USP43: variants seen among roughly 807,000 people sequenced by gnomAD.
The protein encoded by USP43 is ubiquitin specific peptidase 43, also known as ubiquitin carboxyl-terminal hydrolase 43.
In USP43, 33 loss-of-function variants were observed where a neutral mutation model predicts 90.7. The ratio of observed to expected loss-of-function variants is 0.36; its 90% CI spans 0.28 to 0.49. The LOEUF (loss-of-function observed/expected upper bound fraction) is 0.49, where lower values mean the gene tolerates loss of function less well. USP43 is among the 20% of genes least tolerant of loss of function. The pLI is 0.98. For missense variants in USP43, 1,274 were observed against 1,476.4 expected (o/e 0.86, Z 2.25); for synonymous variants, 598 against 615.8 (o/e 0.97, Z 0.43).
intron 5 of USP43, among the ~76,000 whole-genome samples, chr17:9,677,857 A>G (rs562234152): frequency 3.3e-5 from 5 of 152,294 alleles, no homozygotes; most frequent in African/African-American, 1.2e-4. Flanking sequence ...GTTCATAGCT[A>G]CATTCCTATA....
intron 1 of USP43, among the ~76,000 whole-genome samples, chr17:9,655,642 G>C (rs1212624870): frequency 6.6e-6 from 1 of 152,198 alleles, no homozygotes; most frequent in Non-Finnish European, 1.5e-5. Flanking sequence ...AGAACCTGTT[G>C]AAGAAACAGA....
rs781524316 is a variant in USP43, at chr17:9,674,929, A to G, written c.779A>G (p.Asn260Ser). 1.9e-6 allele frequency: 3 copies of G among 1,614,028 alleles called. No homozygotes were observed. Among genetic ancestry groups the G allele is most frequent in the Non-Finnish European group, 2.5e-6 (3 of 1,179,896 alleles). Residue 260 changes from asparagine (N) to serine (S), a missense_variant, in exon 4 of 15, where the codon AAC (asparagine) becomes AGC (serine). This residue lies in a region of USP43 where 259 missense variants were observed against 373.7 expected (regional missense o/e 0.69). Transcript: ENST00000285199. This position sits in a 1 kb window ranked among gnomAD's most constrained non-coding sequence, Gnocchi z 4.4. ...LTCPHCLKQS[N>S]TFDPFLCVSL... ...TGTCCCCACTGCCTGAAACAGAGCA[A>G]CACCTTTGATCCTTTCCTGTGTGTG...
At chr17:9,693,257 A>G in intron 9 of USP43, 27 bp downstream of exon 9, 1 of 1,558,800 alleles carries the variant, frequency 6.4e-7, no homozygotes, top group Non-Finnish European at 8.8e-7. Context: ...AGGTTCAGTC[A>G]GCTAATGAAC....
chr17:9,699,460 C>G (rs1448360292), intron 9 of USP43, among the ~76,000 whole-genome samples: 1 of 152,226 alleles, frequency 6.6e-6, no homozygotes, highest in Non-Finnish European at 1.5e-5. Flanking sequence ...ATCAGATCAT[C>G]TTAGTGGTAG....
At chr17:9,681,199 C>CTATATAATATACTATATAATATATAT (rs1914191826) in intron 6 of USP43, among the ~76,000 whole-genome samples, 2 of 53,318 alleles carry the variant, frequency 3.8e-5, no homozygotes, top group Non-Finnish European at 5.9e-5. Context: ...ATAATATATA[C>CTATATAATATACTATATAATATATAT]TATATAATAT....
intron 3 of USP43, 77 bp downstream of exon 3, chr17:9,666,828 A>G: frequency 8.6e-7 from 1 of 1,163,270 alleles, no homozygotes; most frequent in Non-Finnish European, 1.3e-6. Flanking sequence ...TCTCCCATTG[A>G]CAGATTTACC....
intron 12 of USP43, among the ~76,000 whole-genome samples, chr17:9,704,176 G>GAGT (rs1915740569): frequency 6.6e-6 from 1 of 152,126 alleles, no homozygotes; most frequent in Non-Finnish European, 1.5e-5. Context: ...CTTTTTCACA[G>GAGT]GTGCTCTGGA....
rs974536732 is a variant in USP43, at chr17:9,674,242, A to G, written c.741-649A>G. ...CATACTCAGTGCATTTATGTGTGTC[A>G]CTAAACATTCTTTTCCCTTTTAAAA... On this transcript the variant is annotated intron_variant, in intron 3 of 14. Coordinates refer to ENST00000285199, the MANE Select transcript of USP43 (RefSeq NM_153210.5). The surrounding 1 kb of genome is among the most constrained non-coding windows in gnomAD (Gnocchi z 4.4). Among the ~76,000 whole-genome samples the G allele has an allele frequency of 1.3e-5, 2 of 152,116 alleles. No individual in the cohort carries two copies. The highest frequency in any genetic ancestry group is 2.9e-5 in the Non-Finnish European group (2 of 68,036).
rs369744468 is a variant in USP43 at position 9,666,624 on chromosome 17, C to T, written c.637-24C>T. 7.6e-5 allele frequency: 121 copies of T among 1,593,408 alleles called. No homozygotes were observed. In the South Asian group the frequency reaches 9.5e-4, roughly 13 times the overall value. On this transcript the variant is annotated intron_variant, in intron 2 of 14. Transcript: ENST00000285199. ...GTGATGAGAGGTGTATCTAATCTGG[C>T]TTCCTTTCCTCATTTCTTTGCAGCT...
rs920081086 is a variant in USP43, at chr17:9,686,512, A to G, written c.1242-286A>G. Among the ~76,000 whole-genome samples, 89 of 152,154 alleles carry G rather than the reference A, an allele frequency of 5.8e-4. No individual in the cohort carries two copies. The highest frequency in any genetic ancestry group is 2.1e-3 in the African/African-American group (86 of 41,442). ...TAATAGCCATCCTAACTGGGGTAAG[A>G]TGATATCTCATTGGGGTTTTGACTT... is the stretch of plus-strand genomic sequence containing the variant. On this transcript the variant is annotated intron_variant, in intron 7 of 14. Coordinates refer to ENST00000285199, the MANE Select transcript of USP43 (RefSeq NM_153210.5). The surrounding 1 kb of genome is among the most constrained non-coding windows in gnomAD (Gnocchi z 5.5).
intron 1 of USP43, among the ~76,000 whole-genome samples, chr17:9,653,916 G>A (rs957373999): frequency 1.3e-5 from 2 of 152,186 alleles, no homozygotes; most frequent in African/African-American, 4.8e-5. Flanking sequence ...AAACTCAACA[G>A]TTGGAATGAG....
At chr17:9,680,482 CTTA>C (rs1914093284) in intron 6 of USP43, 116 bp downstream of exon 6, 3 of 1,188,638 alleles carry the variant, frequency 2.5e-6, no homozygotes, top group Non-Finnish European at 3.6e-6. Context: ...AACAGTCAGA[CTTA>C]TTATCCCTGG....
chr17:9,658,869 C>G (rs1451797600), intron 2 of USP43, among the ~76,000 whole-genome samples: 1 of 152,188 alleles, frequency 6.6e-6, no homozygotes, highest in Non-Finnish European at 1.5e-5. Context: ...CAGACTGGCT[C>G]TGCCCAGATG....
At chr17:9,690,525 TTCA>T (rs1235198945) in intron 8 of USP43, among the ~76,000 whole-genome samples, 4 of 152,202 alleles carry the variant, frequency 2.6e-5, no homozygotes, top group Non-Finnish European at 2.9e-5. Flanking sequence ...TCCCGATTTT[TTCA>T]TCATCAACAA....
intron 14 of USP43, among the ~76,000 whole-genome samples, chr17:9,725,618 G>T (rs754494681): frequency 6.6e-6 from 1 of 152,196 alleles, no homozygotes; most frequent in Non-Finnish European, 1.5e-5. Flanking sequence ...GATAACAGGG[G>T]TACTTTTTCA....
intron 14 of USP43, among the ~76,000 whole-genome samples, chr17:9,714,656 C>G (rs2151996643): frequency 7.1e-6 from 1 of 141,640 alleles, no homozygotes; most frequent in Admixed American, 7.4e-5. Flanking sequence ...GCACTCCAGC[C>G]TGGGCAACAG....
At position 9,728,402 on chromosome 17, in the gene USP43, G is replaced by A. The variant is rs577787620; in HGVS notation, c.2784G>A (p.Lys928=). 1.9e-6 allele frequency: 3 copies of A among 1,608,716 alleles called. No homozygotes were observed. The highest frequency in any genetic ancestry group is 1.1e-5 in the South Asian group (1 of 90,252). The change falls in exon 15 of 15, where the codon AAG becomes AAA. Residue 928 remains lysine, a synonymous_variant. Coordinates refer to ENST00000285199, the MANE Select transcript of USP43 (RefSeq NM_153210.5). This position sits in a 1 kb window ranked among gnomAD's most constrained non-coding sequence, Gnocchi z 6.2. ...GGCAGGACATCAAGCTTCCCAGAAA[G>A]TTTGACCTGCCTCTCACTGTGATGC... ...NAGQDIKLPR[K]FDLPLTVMPS...
In USP43 at chr17:9,701,156, G is replaced by A; in HGVS notation, c.1573G>A (p.Ala525Thr). ...CCTCCAGGAGGAGCGAGCGCAGGAT[G>A]CCGACAGTGTGTGGCAGCAGCAGCA... ...GSLQEERAQD[A>T]DSVWQQQQAH... The change falls in exon 11 of 15, where the codon GCC (alanine) becomes ACC (threonine). Residue 525 changes from alanine to threonine, a missense_variant. Around this residue, in one of 6 missense-constraint regions of USP43, gnomAD observed 253 missense variants for 276.0 expected, o/e 0.92. Coordinates refer to ENST00000285199, the MANE Select transcript of USP43 (RefSeq NM_153210.5). The surrounding 1 kb of genome is among the most constrained non-coding windows in gnomAD (Gnocchi z 7.2). 6.6e-7 allele frequency: 1 copy of A among 1,515,374 alleles called. No individual in the cohort carries two copies. The allele number at this position is 1,515,374 out of a possible 1,614,324, so 93.9% of individuals were successfully genotyped here.
intron 9 of USP43, among the ~76,000 whole-genome samples, chr17:9,695,167 C>G (rs1915183663): frequency 7.0e-6 from 1 of 142,128 alleles, no homozygotes; most frequent in South Asian, 2.6e-4. Flanking sequence ...ACCCCACAAT[C>G]CCAGTCCCAG....
Sources: gnomAD v4.1 joint callset for allele counts (sites outside exome capture counted in the v4.1 genomes callset) on GRCh38, gnomAD v4.1.1 for gene constraint, gnomAD v4.1.1 regional missense constraint, Gnocchi (gnomAD v3.1) non-coding constraint, MANE v1.5 for transcripts, NCBI Gene and HGNC (gene_info 2026-07-23, HGNC 2026-07-21) for gene names.